The following EXOC1 variants were observed in gnomAD, a reference collection of about 807,000 sequenced individuals.
EXOC1 encodes the protein exocyst complex component 1, also known as SEC3-like 1.
Under a neutral mutation model 107.7 loss-of-function variants are expected in EXOC1, and 67 were observed. The ratio of observed to expected loss-of-function variants is 0.62; its 90% CI spans 0.51 to 0.76. The LOEUF (loss-of-function observed/expected upper bound fraction) is 0.76, where lower values mean the gene tolerates loss of function less well. Ranked by LOEUF, EXOC1 falls within the 30% of genes least tolerant of loss-of-function variation. The pLI is 0.00. For synonymous variants in EXOC1, 348 were observed against 353.5 expected (o/e 0.98, Z 0.17); for missense variants, 833 against 1,055.7 (o/e 0.79, Z 2.92).
intron 15 of EXOC1, among the ~76,000 whole-genome samples, chr4:55,895,233 C>G (rs570926760): frequency 6.6e-6 from 1 of 152,160 alleles, no homozygotes; most frequent in Non-Finnish European, 1.5e-5. Flanking sequence ...TGAGTGCTTA[C>G]TGTGTACCAG....
chr4:55,869,379 A>G (rs954240865), intron 5 of EXOC1, among the ~76,000 whole-genome samples: 4 of 152,144 alleles, frequency 2.6e-5, no homozygotes, highest in Non-Finnish European at 5.9e-5. Flanking sequence ...ACAAAACAGA[A>G]CAAAACAAAA....
intron 10 of EXOC1, chr4:55,885,756 A>G (rs1723816254): frequency 6.6e-6 from 1 of 152,228 alleles, no homozygotes; most frequent in South Asian, 2.1e-4. Context: ...AAGAAAAACT[A>G]AACAATTTGG....
intron 15 of EXOC1, among the ~76,000 whole-genome samples, chr4:55,895,306 G>C (rs1023769061): frequency 6.6e-6 from 1 of 152,082 alleles, no homozygotes; most frequent in East Asian, 1.9e-4. Context: ...CCCTCAATAA[G>C]GTAGATTGTT....
chr4:55,868,327 C>G lies in EXOC1; in HGVS notation c.416-9C>G, dbSNP rs1443647142. 1 of 1,590,250 alleles carries G rather than the reference C, an allele frequency of 6.3e-7. No individual in the cohort carries two copies. Among genetic ancestry groups the G allele is most frequent in the African/African-American group, 1.4e-5 (1 of 73,678 alleles). Reference sequence around the variant, plus strand: ...TGACTATTTTACTTTGAATTTTTACCTCTTTAAGAATCTGTTCCAAGTGGA... The same window carrying G: ...TGACTATTTTACTTTGAATTTTTACGTCTTTAAGAATCTGTTCCAAGTGGA... On this transcript the variant is annotated splice_polypyrimidine_tract_variant and intron_variant, in intron 4 of 18. Coordinates refer to ENST00000381295, the MANE Select transcript of EXOC1 (RefSeq NM_001024924.2).
At chr4:55,894,549 T>C (rs1160429749) in intron 15 of EXOC1, among the ~76,000 whole-genome samples, 1 of 151,066 alleles carries the variant, frequency 6.6e-6, no homozygotes, top group Non-Finnish European at 1.5e-5. Flanking sequence ...TAAATTGTTA[T>C]AACTGAGCAA....
rs1375573572 is a variant in EXOC1, at chr4:55,883,845, G to C, written c.1247G>C (p.Arg416Pro). ...AAGAATTACATGGATTATTTATCCC[G>C]ACTATATGAAAGAGAAATCAAAGAT... Reference protein sequence around the residue: ...LTKNYMDYLSRLYEREIKDFF... With the variant: ...LTKNYMDYLSPLYEREIKDFF... Residue 416 changes from arginine to proline, a missense_variant, in exon 10 of 19, where the codon CGA becomes CCA. By Grantham distance (103) the Arg-to-Pro change is moderately radical (BLOSUM62 -2). Around this residue, in one of 2 missense-constraint regions of EXOC1, gnomAD observed 617 missense variants for 701.3 expected, o/e 0.88. Coordinates refer to ENST00000381295, the MANE Select transcript of EXOC1 (RefSeq NM_001024924.2). 6.3e-7 allele frequency: 1 copy of C among 1,597,520 alleles called. No individual in the cohort carries two copies. Among genetic ancestry groups the C allele is most frequent in the Non-Finnish European group, 8.5e-7 (1 of 1,172,422 alleles).
intron 2 of EXOC1, among the ~76,000 whole-genome samples, chr4:55,859,312 A>G (rs1399325228): frequency 6.6e-6 from 1 of 152,062 alleles, no homozygotes; most frequent in Non-Finnish European, 1.5e-5. Flanking sequence ...TATAAGTTTC[A>G]TCATTTTCTC....
intron 10 of EXOC1, among the ~76,000 whole-genome samples, chr4:55,884,817 TGATA>T (rs751109996): frequency 1.3e-5 from 2 of 152,318 alleles, no homozygotes; most frequent in Non-Finnish European, 2.9e-5. Context: ...GATTCAAAAC[TGATA>T]GTACATGTTT....
chr4:55,860,676 G>C (rs1435430047), intron 3 of EXOC1, 135 bp downstream of exon 3: 1 of 1,018,248 alleles, frequency 9.8e-7, no homozygotes, highest in Non-Finnish European at 1.4e-6. Context: ...CTTTTTTTAA[G>C]CTATAATTAT....
chr4:55,883,758 A>T, intron 9 of EXOC1, 65 bp from the exon 10 acceptor site: 12 of 970,110 alleles, frequency 1.2e-5, no homozygotes, highest in Non-Finnish European at 1.8e-5. Context: ...GACTTGGGGA[A>T]TTGAAAAATT....
At position 55,871,591 on chromosome 4, in the gene EXOC1, A is replaced by G. The variant is rs149652664; in HGVS notation, c.965-258A>G. On this transcript the variant is annotated intron_variant, in intron 7 of 18. Coordinates refer to ENST00000381295, the MANE Select transcript of EXOC1 (RefSeq NM_001024924.2). ...TTAAAAACATAGATTGCCTGGCCCC[A>G]GTCCCAGATTCAGCAGATCTGGGCT... is the stretch of plus-strand genomic sequence containing the variant. Among the ~76,000 whole-genome samples, 26 of 152,274 alleles carry G rather than the reference A, an allele frequency of 1.7e-4. No homozygotes were observed. In the East Asian group the frequency reaches 4.8e-3, roughly 28 times the overall value.
chr4:55,884,013 G>A (rs1723646987), intron 10 of EXOC1, 85 bp downstream of exon 10: 2 of 951,344 alleles, frequency 2.1e-6, no homozygotes, highest in Non-Finnish European at 3.1e-6. Flanking sequence ...CTTAAGCAAG[G>A]TGGAGGTAGA....
chr4:55,888,600 TA>T (rs1305457418), intron 10 of EXOC1, among the ~76,000 whole-genome samples: 6,677 of 142,792 alleles, frequency 0.047, 443 homozygotes, highest in African/African-American at 0.15. Context: ...TTAATAAACT[TA>T]AAAAAAAAAA....
chr4:55,883,524 A>T (rs1001671951), intron 9 of EXOC1: 36 of 200,390 alleles, frequency 1.8e-4, no homozygotes, highest in Non-Finnish European at 3.6e-4. Context: ...ATTTGTTCTG[A>T]TTTAGATATT....
chr4:55,884,642 C>A (rs1176633048), intron 10 of EXOC1, among the ~76,000 whole-genome samples: 1 of 152,140 alleles, frequency 6.6e-6, no homozygotes, highest in Admixed American at 6.6e-5. Flanking sequence ...TCTGGAGTTC[C>A]TTTTGGATGG....
intron 15 of EXOC1, among the ~76,000 whole-genome samples, chr4:55,894,614 CTTTTTTTTT>C (rs772700227): frequency 5.3e-5 from 4 of 76,116 alleles, no homozygotes; most frequent in African/African-American, 1.6e-4. Flanking sequence ...CTATCTGTTA[CTTTTTTTTT>C]TTTTTTTTTT....
At chr4:55,886,586 A>T (rs983522378) in intron 10 of EXOC1, among the ~76,000 whole-genome samples, 1 of 151,834 alleles carries the variant, frequency 6.6e-6, no homozygotes, top group Non-Finnish European at 1.5e-5. Flanking sequence ...AAAAAAAAAA[A>T]AAACAAGAAA....
Position 55,870,781 on chromosome 4 carries a change from G to T in EXOC1, c.707G>T (p.Ser236Ile). Reference protein sequence around the residue: ...KEVDQIELKLSSYEEMLQSVK... With the variant: ...KEVDQIELKLISYEEMLQSVK... The stretch of plus-strand genomic sequence containing the variant: ...GTAGATCAGATTGAATTGAAACTGA[G>T]CAGTTATGAGGAAATGCTCCAAAGT... The change falls in exon 6 of 19, where the codon AGC becomes ATC. Residue 236 changes from serine to isoleucine, a missense_variant. By Grantham distance (142) the Ser-to-Ile change is moderately radical. Around this residue, in one of 2 missense-constraint regions of EXOC1, gnomAD observed 617 missense variants for 701.3 expected, o/e 0.88. Coordinates refer to ENST00000381295, the MANE Select transcript of EXOC1 (RefSeq NM_001024924.2). 3 of 1,613,832 alleles carry T rather than the reference G, an allele frequency of 1.9e-6. No homozygotes were observed. The highest frequency in any genetic ancestry group is 2.5e-6 in the Non-Finnish European group (3 of 1,179,860).
chr4:55,873,984 T>TA (rs1370224883), intron 8 of EXOC1, among the ~76,000 whole-genome samples: 1 of 152,168 alleles, frequency 6.6e-6, no homozygotes, highest in Non-Finnish European at 1.5e-5. Flanking sequence ...CTAATGTACT[T>TA]ACTCTTTGTA....
Sources: gnomAD v4.1 joint callset for allele counts (sites outside exome capture counted in the v4.1 genomes callset) on GRCh38, gnomAD v4.1.1 for gene constraint, gnomAD v4.1.1 regional missense constraint, MANE v1.5 for transcripts, NCBI Gene and HGNC (gene_info 2026-07-23, HGNC 2026-07-21) for gene names.